The following UBR3 variants were observed in gnomAD, a reference collection of about 807,000 sequenced individuals.
UBR3 encodes E3 ubiquitin-protein ligase UBR3.
UBR3 carries 85 observed loss-of-function variants against 243.2 expected under a neutral mutation model. That is an observed-to-expected ratio of 0.35 (90% CI 0.29 to 0.42). The LOEUF (loss-of-function observed/expected upper bound fraction) is 0.42, where lower values mean the gene tolerates loss of function less well. Ranked by LOEUF, UBR3 falls within the 10% of genes least tolerant of loss-of-function variation. The pLI, the probability that UBR3 is intolerant of heterozygous loss-of-function variation, is 1.00. For missense variants in UBR3, 1,686 were observed against 2,300.8 expected (o/e 0.73, Z 5.47); for synonymous variants, 748 against 799.8 (o/e 0.94, Z 1.09).
intron 24 of UBR3, among the ~76,000 whole-genome samples, chr2:169,969,785 G>A (rs1439169728): frequency 5.3e-5 from 8 of 151,218 alleles, no homozygotes; most frequent in African/African-American, 1.7e-4. Context: ...TCCTGACCTC[G>A]TGATCCGCCC....
At chr2:169,944,787 T>G (rs2086723065) in intron 20 of UBR3, among the ~76,000 whole-genome samples, 1 of 152,144 alleles carries the variant, frequency 6.6e-6, no homozygotes. Context: ...AAAATTTAAT[T>G]GAATTTAGCT....
chr2:169,899,994 C>A (rs1462445849), intron 8 of UBR3, among the ~76,000 whole-genome samples: 1 of 152,092 alleles, frequency 6.6e-6, no homozygotes, highest in Non-Finnish European at 1.5e-5. Context: ...TGATTTATAA[C>A]CCTTTGGGTA....
chr2:169,914,366 G>C (rs1232350498), intron 11 of UBR3, among the ~76,000 whole-genome samples: 1 of 152,162 alleles, frequency 6.6e-6, no homozygotes. Context: ...TAATATGTCT[G>C]CTTATTTCCT....
chr2:169,890,563 A>ATATATATATATATATATATATGTG (rs1255881148), intron 5 of UBR3, among the ~76,000 whole-genome samples: 40 of 83,812 alleles, frequency 4.8e-4, no homozygotes, highest in East Asian at 9.0e-4. Context: ...ATATATATAT[A>ATATATATATATATATATATATGTG]TGTGTATATA....
chr2:169,836,065 A>ATTTTTTTTTTTTTT (rs1558999105), intron 1 of UBR3, among the ~76,000 whole-genome samples: 1 of 27,930 alleles, frequency 3.6e-5, no homozygotes, highest in African/African-American at 1.1e-4. Context: ...ATATATATAT[A>ATTTTTTTTTTTTTT]TATTTTTTTT....
chr2:170,007,300 A>G, intron 28 of UBR3, 110 bp downstream of exon 28: 1 of 1,221,032 alleles, frequency 8.2e-7, no homozygotes, highest in Non-Finnish European at 1.1e-6. Context: ...TTTAGTAGAA[A>G]TTGCTTTTAG....
chr2:170,027,466 GA>G (rs1302308523), intron 30 of UBR3, among the ~76,000 whole-genome samples: 1 of 151,628 alleles, frequency 6.6e-6, no homozygotes, highest in Non-Finnish European at 1.5e-5. Context: ...TAGGGATTAG[GA>G]AAATAGGTGA....
chr2:169,911,648 G>C (rs7593107), intron 10 of UBR3, among the ~76,000 whole-genome samples: 148,646 of 152,192 alleles, frequency 0.98, 72,673 homozygotes, highest in East Asian at 1. Context: ...TTTTTAAAGA[G>C]TCTTAGTACC....
intron 30 of UBR3, among the ~76,000 whole-genome samples, chr2:170,019,901 G>A (rs1335356825): frequency 1.3e-5 from 2 of 151,864 alleles, no homozygotes; most frequent in African/African-American, 2.4e-5. Context: ...TCAGCCTCCC[G>A]AGTAGCTAGG....
At chr2:170,012,248 G>T (rs888608693) in intron 29 of UBR3, among the ~76,000 whole-genome samples, 2 of 151,986 alleles carry the variant, frequency 1.3e-5, no homozygotes, top group African/African-American at 4.8e-5. Context: ...GTCAATACTG[G>T]GTTTAAGGGA....
chr2:169,882,577 C>T (rs2105318299), intron 5 of UBR3, among the ~76,000 whole-genome samples: 1 of 150,928 alleles, frequency 6.6e-6, no homozygotes, highest in African/African-American at 2.4e-5. Flanking sequence ...CCCATCTCTA[C>T]TGAAAATACA....
intron 24 of UBR3, among the ~76,000 whole-genome samples, chr2:169,978,837 G>A (rs1275233930): frequency 6.6e-6 from 1 of 152,100 alleles, no homozygotes; most frequent in Non-Finnish European, 1.5e-5. Flanking sequence ...TGTTTGACCT[G>A]TATGGAGGAA....
At chr2:169,843,660 A>G (rs1184863073) in intron 1 of UBR3, among the ~76,000 whole-genome samples, 1 of 152,258 alleles carries the variant, frequency 6.6e-6, no homozygotes, top group Non-Finnish European at 1.5e-5. Context: ...ATGATATATT[A>G]TCCTTTTATA....
intron 5 of UBR3, among the ~76,000 whole-genome samples, chr2:169,889,834 G>C (rs887067004): frequency 1.3e-5 from 2 of 152,148 alleles, no homozygotes; most frequent in African/African-American, 4.8e-5. Context: ...AGTAAATAGA[G>C]CTCCAGCATG....
At chr2:169,985,224 C>CTTT (rs71006060) in intron 24 of UBR3, among the ~76,000 whole-genome samples, 3 of 113,120 alleles carry the variant, frequency 2.7e-5, no homozygotes, top group Non-Finnish European at 3.6e-5. Flanking sequence ...CAACTCTTTT[C>CTTT]TTTTTTTTTT....
chr2:170,019,265 T>A (rs1220638700), intron 30 of UBR3, among the ~76,000 whole-genome samples: 1 of 152,238 alleles, frequency 6.6e-6, no homozygotes, highest in Non-Finnish European at 1.5e-5. Context: ...AAATTATGCA[T>A]AGTCACTGCA....
intron 8 of UBR3, among the ~76,000 whole-genome samples, chr2:169,898,397 C>CT (rs1347206396): frequency 6.6e-6 from 1 of 152,178 alleles, no homozygotes; most frequent in East Asian, 1.9e-4. Flanking sequence ...CAACTATATG[C>CT]TAGACTCTTT....
intron 32 of UBR3, among the ~76,000 whole-genome samples, chr2:170,051,000 T>C (rs57315291): frequency 0.051 from 7,781 of 152,264 alleles, 396 homozygotes; most frequent in African/African-American, 0.13. Context: ...ACATATCTTC[T>C]CATATACTTT....
chr2:169,896,051 C>T (rs2084574538), intron 7 of UBR3, among the ~76,000 whole-genome samples: 2 of 151,966 alleles, frequency 1.3e-5, no homozygotes, highest in South Asian at 4.1e-4. Context: ...AGTCCCAGCA[C>T]TTTGGGAGGC....
Sources: gnomAD v4.1 joint callset for allele counts (sites outside exome capture counted in the v4.1 genomes callset) on GRCh38, gnomAD v4.1.1 for gene constraint, MANE v1.5 for transcripts, NCBI Gene and HGNC (gene_info 2026-07-23, HGNC 2026-07-21) for gene names.